PAX5: variants seen among roughly 807,000 people sequenced by gnomAD.
PAX5 encodes paired box protein Pax-5.
PAX5 carries 9 observed loss-of-function variants against 43.7 expected under a neutral mutation model. The ratio of observed to expected loss-of-function variants is 0.21; its 90% CI spans 0.12 to 0.36. PAX5 has a LOEUF of 0.36. PAX5 is among the 10% of genes least tolerant of loss of function. The pLI is 1.00. For synonymous variants in PAX5, 228 were observed against 214.3 expected (o/e 1.06, Z -0.56); for missense variants, 383 against 532.7 (o/e 0.72, Z 2.77).
chr9:36,973,055 AAAAGG>A lies in PAX5; in HGVS notation c.605-6336_605-6332del, dbSNP rs1424706953. ...AAAAAAAAAGAAGAAAGAAAGAAAG[AAAAGG>A]AAAGGAAAGGAACGGAACGGAACGG... On this transcript the variant is annotated intron_variant, in intron 5 of 9. Transcript: ENST00000358127. Among the ~76,000 whole-genome samples, 1,120 of 127,742 alleles carry A rather than the reference AAAAGG, an allele frequency of 8.8e-3. 24 individuals carry two copies. The highest frequency in any genetic ancestry group is 0.03 in the African/African-American group (1,059 of 35,554). 83.8% of individuals were successfully genotyped at this position (127,742 alleles called of 152,430 possible). A position where few individuals can be genotyped will look rare whatever the true frequency, so the allele number is the denominator to read the frequency against.
chr9:36,954,508 C>T (rs932670448), intron 6 of PAX5, among the ~76,000 whole-genome samples: 5 of 152,128 alleles, frequency 3.3e-5, no homozygotes, highest in Non-Finnish European at 7.3e-5. Flanking sequence ...TATCTGAGTA[C>T]GAGGTAATTA....
chr9:36,929,187 A>T (rs1257895184), intron 6 of PAX5, among the ~76,000 whole-genome samples: 1 of 151,920 alleles, frequency 6.6e-6, no homozygotes. Flanking sequence ...GGAAAGGTGA[A>T]CTGACAGAAA....
At chr9:36,917,963 C>G (rs1286616793) in intron 7 of PAX5, among the ~76,000 whole-genome samples, 1 of 152,070 alleles carries the variant, frequency 6.6e-6, no homozygotes, top group Non-Finnish European at 1.5e-5. Context: ...CAAACTGTGC[C>G]CATATAAGAT....
At chr9:36,857,499 G>A (rs530923223) in intron 8 of PAX5, among the ~76,000 whole-genome samples, 105 of 152,242 alleles carry the variant, frequency 6.9e-4, no homozygotes, top group African/African-American at 2.3e-3. Context: ...CTAGACATTC[G>A]GGTGCCAGCA....
At chr9:36,990,725 C>A (rs1039428655) in intron 5 of PAX5, among the ~76,000 whole-genome samples, 2 of 152,238 alleles carry the variant, frequency 1.3e-5, no homozygotes, top group African/African-American at 4.8e-5. Flanking sequence ...CAAACGCTTG[C>A]CATAAGGCAG....
At chr9:36,900,720 G>A (rs1186089499) in intron 7 of PAX5, among the ~76,000 whole-genome samples, 1 of 151,980 alleles carries the variant, frequency 6.6e-6, no homozygotes, top group Non-Finnish European at 1.5e-5. Flanking sequence ...CCTCCCCATC[G>A]TCCTTGTCTA....
At chr9:36,910,584 G>A (rs944061) in intron 7 of PAX5, among the ~76,000 whole-genome samples, 97,606 of 151,742 alleles carry the variant, frequency 0.64, 31,670 homozygotes, top group East Asian at 0.86. Flanking sequence ...AGGCTAAGGG[G>A]TGTGTTGGGC....
chr9:36,988,209 G>A (rs1836621159), intron 5 of PAX5, among the ~76,000 whole-genome samples: 1 of 152,144 alleles, frequency 6.6e-6, no homozygotes, highest in South Asian at 2.1e-4. Context: ...TGTCGTGTCA[G>A]GCTCACCTTA....
chr9:36,976,871 G>A (rs1835478655), intron 5 of PAX5, among the ~76,000 whole-genome samples: 1 of 152,184 alleles, frequency 6.6e-6, no homozygotes, highest in Admixed American at 6.5e-5. Flanking sequence ...AGATGGCAAA[G>A]GGATCTGTCA....
At chr9:37,020,495 T>C in intron 2 of PAX5, 141 bp downstream of exon 2, 2 of 844,540 alleles carry the variant, frequency 2.4e-6, no homozygotes, top group South Asian at 1.7e-5. Flanking sequence ...ATTGGGGCTT[T>C]GCAGACTTTA....
At chr9:36,920,811 T>C (rs781287406) in intron 7 of PAX5, among the ~76,000 whole-genome samples, 7,091 of 144,356 alleles carry the variant, frequency 0.049, 252 homozygotes, top group East Asian at 0.11. Flanking sequence ...AGCTTTTTTT[T>C]TTTTTTTTTT....
chr9:36,868,535 A>G (rs2131690824), intron 8 of PAX5, among the ~76,000 whole-genome samples: 1 of 152,312 alleles, frequency 6.6e-6, no homozygotes, highest in Admixed American at 6.5e-5. Flanking sequence ...TCAAACACAG[A>G]CAGGTGAGGA....
intron 2 of PAX5, among the ~76,000 whole-genome samples, chr9:37,018,722 T>C (rs1437501006): frequency 6.6e-6 from 1 of 152,190 alleles, no homozygotes; most frequent in Non-Finnish European, 1.5e-5. Context: ...AATAATGAGC[T>C]ATGAAATTCC....
chr9:36,888,689 G>C (rs900039653), intron 7 of PAX5, among the ~76,000 whole-genome samples: 1 of 152,222 alleles, frequency 6.6e-6, no homozygotes, highest in African/African-American at 2.4e-5. Flanking sequence ...GAGAGGGCAG[G>C]CTGGGCAGAG....
At chr9:36,923,650 TTGG>T (rs1300840102) in intron 6 of PAX5, among the ~76,000 whole-genome samples, 166 bp from the exon 7 acceptor site, 2 of 152,306 alleles carry the variant, frequency 1.3e-5, no homozygotes, top group East Asian at 3.9e-4. Flanking sequence ...CAGAGTCAGC[TTGG>T]TGGAACGAGA....
intron 7 of PAX5, among the ~76,000 whole-genome samples, chr9:36,909,390 T>G (rs769813118): frequency 2.6e-5 from 4 of 152,230 alleles, no homozygotes; most frequent in Non-Finnish European, 5.9e-5. Flanking sequence ...TTGCACTCGC[T>G]ATTCCAGGCC....
intron 8 of PAX5, among the ~76,000 whole-genome samples, chr9:36,854,036 T>C (rs183573675): frequency 1.3e-5 from 2 of 152,380 alleles, no homozygotes; most frequent in East Asian, 1.9e-4. Flanking sequence ...AATTAACATA[T>C]GGAAAGTCTT....
chr9:37,014,532 G>T (rs1341499784), intron 3 of PAX5, among the ~76,000 whole-genome samples: 1 of 152,174 alleles, frequency 6.6e-6, no homozygotes, highest in East Asian at 1.9e-4. Flanking sequence ...TCCAAGTCAG[G>T]TTTATGTTCC....
intron 8 of PAX5, among the ~76,000 whole-genome samples, chr9:36,848,646 C>T (rs1030056420): frequency 6.6e-6 from 1 of 152,164 alleles, no homozygotes; most frequent in Non-Finnish European, 1.5e-5. Context: ...ACTCTGAGCA[C>T]CCGTGGACCT....
Sources: gnomAD v4.1 joint callset for allele counts (sites outside exome capture counted in the v4.1 genomes callset) on GRCh38, gnomAD v4.1.1 for gene constraint, MANE v1.5 for transcripts, NCBI Gene and HGNC (gene_info 2026-07-23, HGNC 2026-07-21) for gene names.